The following HESX1 variants were observed in gnomAD, a reference collection of about 807,000 sequenced individuals.
The protein encoded by HESX1 is homeobox expressed in ES cells 1.
In HESX1, 11 loss-of-function variants were observed where a neutral mutation model predicts 22.5. The ratio of observed to expected loss-of-function variants is 0.49; its 90% CI spans 0.31 to 0.81. The LOEUF is 0.81. HESX1 is among the 30% of genes least tolerant of loss of function. The probability of loss-of-function intolerance (pLI) is 0.05; values close to 1 mark genes in which losing one functional copy is unlikely to be tolerated. For synonymous variants in HESX1, 74 were observed against 76.5 expected (o/e 0.97, Z 0.17); for missense variants, 201 against 212.6 (o/e 0.95, Z 0.34).
intron 1 of HESX1, among the ~76,000 whole-genome samples, chr3:57,224,622 T>C (rs984932666): frequency 6.6e-6 from 1 of 152,208 alleles, no homozygotes; most frequent in Non-Finnish European, 1.5e-5. Flanking sequence ...CAGGAATCTG[T>C]ATGCTAACAA....
At chr3:57,210,320 C>G (rs1258533250) in intron 1 of HESX1, among the ~76,000 whole-genome samples, 1 of 152,010 alleles carries the variant, frequency 6.6e-6, no homozygotes, top group Non-Finnish European at 1.5e-5. Context: ...TAAATCTATT[C>G]ATGTTTTGAT....
chr3:57,212,067 G>A (rs1430445097), intron 1 of HESX1, among the ~76,000 whole-genome samples: 1 of 152,138 alleles, frequency 6.6e-6, no homozygotes, highest in South Asian at 2.1e-4. Flanking sequence ...TAAGTTTATT[G>A]AGTACATTTG....
At chr3:57,219,646 C>T (rs1358069298) in intron 1 of HESX1, among the ~76,000 whole-genome samples, 1 of 151,966 alleles carries the variant, frequency 6.6e-6, no homozygotes, top group Non-Finnish European at 1.5e-5. Context: ...GGATTACAGG[C>T]GTGAGCCACC....
chr3:57,209,257 G>T (rs970386824), intron 1 of HESX1, among the ~76,000 whole-genome samples: 1 of 152,164 alleles, frequency 6.6e-6, no homozygotes, highest in African/African-American at 2.4e-5. Context: ...ATGGCTAGCG[G>T]CTCCAAACAG....
At chr3:57,202,389 G>A (rs2060495465), upstream of HESX1, among the ~76,000 whole-genome samples, 1 of 152,094 alleles carries the variant, frequency 6.6e-6, no homozygotes, top group Non-Finnish European at 1.5e-5. Context: ...AGGCTGGAGT[G>A]CGGTGGCGTG....
chr3:57,205,972 C>T (rs1178456851), intron 1 of HESX1, among the ~76,000 whole-genome samples: 2 of 152,152 alleles, frequency 1.3e-5, no homozygotes, highest in African/African-American at 4.8e-5. Flanking sequence ...GGGCGGGTCA[C>T]TTGAGGTCAG....
chr3:57,200,244 C>T (rs1461523824), upstream of HESX1, among the ~76,000 whole-genome samples: 1 of 152,194 alleles, frequency 6.6e-6, no homozygotes, highest in East Asian at 1.9e-4. Context: ...AAGTGATGCA[C>T]AAATGTGGCA....
At chr3:57,213,182 C>T (rs2060565679) in intron 1 of HESX1, among the ~76,000 whole-genome samples, 1 of 152,114 alleles carries the variant, frequency 6.6e-6, no homozygotes, top group Non-Finnish European at 1.5e-5. Context: ...TATAGGTTGT[C>T]TCCAATTTTT....
chr3:57,204,696 G>A (rs1183913866), upstream of HESX1, among the ~76,000 whole-genome samples: 4 of 152,066 alleles, frequency 2.6e-5, no homozygotes, highest in Non-Finnish European at 5.9e-5. Context: ...AACTTTGGGA[G>A]GCTGAGGTAG....
chr3:57,214,491 C>T (rs2060573257), intron 1 of HESX1, among the ~76,000 whole-genome samples: 1 of 152,172 alleles, frequency 6.6e-6, no homozygotes, highest in African/African-American at 2.4e-5. Flanking sequence ...GGTCTAAATT[C>T]CAGCTCTTCT....
rs2060475343 is a variant in HESX1, at chr3:57,199,966, G to A, written c.-48C>T. 1.1e-5 allele frequency: 17 copies of A among 1,576,918 alleles called. No homozygotes were observed. Among genetic ancestry groups the A allele is most frequent in the Non-Finnish European group, 1.5e-5 (17 of 1,147,164 alleles). On this transcript the variant is annotated 5_prime_UTR_variant, in exon 1 of 4. Transcript: ENST00000295934. ...AACAGCTCTGGCCTCTGCTGGCTCT[G>A]CCCCACGTGTATAGGGCTGGGATCT...
upstream of HESX1, among the ~76,000 whole-genome samples, chr3:57,201,871 ATCTATATC>A (rs201097823): frequency 0.07 from 9,904 of 141,684 alleles, 343 homozygotes; most frequent in South Asian, 0.12. Flanking sequence ...ATATCTATCT[ATCTATATC>A]TATCTATCTA....
At chr3:57,219,661 C>A (rs1014727427) in intron 1 of HESX1, among the ~76,000 whole-genome samples, 1 of 152,010 alleles carries the variant, frequency 6.6e-6, no homozygotes, top group Non-Finnish European at 1.5e-5. Context: ...GCCACCGCAC[C>A]TGGCCTCCTT....
Position 57,199,956 on chromosome 3 carries a change from T to C in HESX1, c.-38A>G. The stretch of plus-strand genomic sequence containing the variant: ...TGCACAGAGCAACAGCTCTGGCCTC[T>C]GCTGGCTCTGCCCCACGTGTATAGG... On this transcript the variant is annotated 5_prime_UTR_variant, in exon 1 of 4. Coordinates refer to ENST00000295934, the MANE Select transcript of HESX1 (RefSeq NM_003865.3). The C allele has an allele frequency of 6.2e-7, 1 of 1,604,092 alleles. No individual in the cohort carries two copies. The highest frequency in any genetic ancestry group is 8.5e-7 in the Non-Finnish European group (1 of 1,171,696).
At chr3:57,219,308 T>C (rs761253461) in intron 1 of HESX1, among the ~76,000 whole-genome samples, 1 of 152,216 alleles carries the variant, frequency 6.6e-6, no homozygotes, top group Non-Finnish European at 1.5e-5. Flanking sequence ...TTATTTTTCA[T>C]ATGCTCATAG....
At chr3:57,221,298 T>C (rs1186657771) in intron 1 of HESX1, among the ~76,000 whole-genome samples, 5 of 150,862 alleles carry the variant, frequency 3.3e-5, no homozygotes, top group Non-Finnish European at 5.9e-5. Flanking sequence ...GGACCATAGG[T>C]ACACACCACC....
rs754137696 is a variant in HESX1 at position 57,198,797 on chromosome 3, A to C, written c.313T>G (p.Trp105Gly). The C allele has an allele frequency of 3.2e-5, 52 of 1,613,994 alleles. 1 individual carries two copies. In the Admixed American group the frequency reaches 8.3e-4, roughly 26 times the overall value. Residue 105 changes from tryptophan (W) to glycine (G), a missense_variant, in exon 2 of 4, where the codon TGG (tryptophan) becomes GGG (glycine). Coordinates refer to ENST00000295934, the MANE Select transcript of HESX1 (RefSeq NM_003865.3). ...GTTCTTGGTCTTCGGCCTCTATACC[A>C]ACTCAACTCTCTTTTCAAAGACAGT... ...ERLSLKRELSWYRGRRPRTAF... is the reference protein window; with the variant it reads ...ERLSLKRELSGYRGRRPRTAF...
chr3:57,223,118 C>A (rs1362778222), intron 1 of HESX1, among the ~76,000 whole-genome samples: 2 of 152,118 alleles, frequency 1.3e-5, no homozygotes, highest in African/African-American at 4.8e-5. Flanking sequence ...GTATTAAGCT[C>A]CATTTTTCAG....
chr3:57,213,362 T>G (rs1156684465), intron 1 of HESX1, among the ~76,000 whole-genome samples: 2 of 152,174 alleles, frequency 1.3e-5, no homozygotes, highest in African/African-American at 4.8e-5. Context: ...AACACTCTCA[T>G]CCAGTCAAAC....
Sources: gnomAD v4.1 joint callset for allele counts (sites outside exome capture counted in the v4.1 genomes callset) on GRCh38, gnomAD v4.1.1 for gene constraint, MANE v1.5 for transcripts, NCBI Gene and HGNC (gene_info 2026-07-23, HGNC 2026-07-21) for gene names.